RBFOX1: variants seen among roughly 807,000 people sequenced by gnomAD.
RBFOX1 encodes the protein RNA binding protein fox-1 homolog 1.
In RBFOX1, 8 loss-of-function variants were observed where a neutral mutation model predicts 57.7. The ratio of observed to expected loss-of-function variants is 0.14; its 90% CI spans 0.08 to 0.25. RBFOX1 has a LOEUF of 0.25. Among genes scored for constraint, RBFOX1 ranks in the 10% least tolerant of loss-of-function variants. The probability of loss-of-function intolerance (pLI) is 1.00; values close to 1 mark genes in which losing one functional copy is unlikely to be tolerated. For synonymous variants in RBFOX1, 326 were observed against 222.4 expected, an observed-to-expected ratio of 1.47 and a Z score of -4.15; for missense variants, 611 against 548.5, an observed-to-expected ratio of 1.11 and a Z score of -1.14.
At chr16:6,858,038 A>G (rs1474329345) in intron 3 of RBFOX1, among the ~76,000 whole-genome samples, 1 of 152,190 alleles carries the variant, frequency 6.6e-6, no homozygotes, top group Admixed American at 6.5e-5. Context: ...TTCTACTCAC[A>G]AATGTTCATC....
intron 2 of RBFOX1, among the ~76,000 whole-genome samples, chr16:6,453,776 A>G (rs1242925427): frequency 6.6e-6 from 1 of 152,192 alleles, no homozygotes; most frequent in African/African-American, 2.4e-5. Flanking sequence ...TTTAAATGTA[A>G]AAATTCAGTG....
At chr16:6,649,228 A>T (rs959715936) in intron 2 of RBFOX1, among the ~76,000 whole-genome samples, 2 of 152,124 alleles carry the variant, frequency 1.3e-5, no homozygotes, top group Non-Finnish European at 2.9e-5. Context: ...TCAACTTAAC[A>T]CAGTGTTCTC....
rs113473416 is a variant in RBFOX1, at chr16:6,322,566, C to G, written c.-64+5509C>G. The stretch of plus-strand genomic sequence containing the variant: ...TGCCCCTTGTAGGATAAAGAAAATC[C>G]TAAGCCAATTTTCAACGTAGGAAGT... On this transcript the variant is annotated intron_variant, in intron 2 of 15. Transcript: ENST00000550418. Among the ~76,000 whole-genome samples, 1,128 of 152,176 alleles carry G rather than the reference C, an allele frequency of 7.4e-3. 10 individuals carry two copies. Among genetic ancestry groups the G allele is most frequent in the African/African-American group, 0.024 (996 of 41,514 alleles).
At chr16:6,775,052 G>A (rs778794841) in intron 3 of RBFOX1, among the ~76,000 whole-genome samples, 1 of 151,710 alleles carries the variant, frequency 6.6e-6, no homozygotes, top group Non-Finnish European at 1.5e-5. Context: ...AAGGCAGGGC[G>A]CAGTGGCTCA....
At chr16:6,579,295 C>T (rs1017803135) in intron 2 of RBFOX1, among the ~76,000 whole-genome samples, 3 of 152,026 alleles carry the variant, frequency 2.0e-5, no homozygotes, top group Non-Finnish European at 4.4e-5. Flanking sequence ...GCTTGATCTA[C>T]TGGGCTCAAG....
chr16:7,138,265 T>A (rs968373340), intron 4 of RBFOX1, among the ~76,000 whole-genome samples: 2 of 151,982 alleles, frequency 1.3e-5, no homozygotes, highest in Admixed American at 6.6e-5. Flanking sequence ...GGTGCAGATA[T>A]AAAGGGAGAA....
chr16:5,782,416 A>G (rs540236084), intron 3 of RBFOX1, among the ~76,000 whole-genome samples: 2 of 152,290 alleles, frequency 1.3e-5, no homozygotes, highest in East Asian at 3.9e-4. Context: ...AATGACATTA[A>G]TGCATTTGAG....
intron 3 of RBFOX1, among the ~76,000 whole-genome samples, chr16:6,988,312 T>G (rs138640642): frequency 1.3e-5 from 2 of 152,268 alleles, no homozygotes; most frequent in South Asian, 4.1e-4. Context: ...TATTGGAGTT[T>G]CCTGTGATGA....
intron 4 of RBFOX1, among the ~76,000 whole-genome samples, chr16:7,091,145 G>T (rs2060783307): frequency 6.6e-6 from 1 of 151,754 alleles, no homozygotes; most frequent in Admixed American, 6.6e-5. Flanking sequence ...CTTTTTAGTT[G>T]GTTGAAACAA....
chr16:6,538,027 A>T (rs2096759367), intron 2 of RBFOX1, among the ~76,000 whole-genome samples: 2 of 151,728 alleles, frequency 1.3e-5, no homozygotes, highest in Non-Finnish European at 2.9e-5. Context: ...TTTTTTATTC[A>T]GGTAAAATTC....
intron 2 of RBFOX1, chr16:6,483,149 C>G: frequency 9.3e-7 from 1 of 1,071,332 alleles, no homozygotes; most frequent in Non-Finnish European, 1.1e-6. Context: ...CAAGAGTTTG[C>G]AAAAACATTG....
chr16:7,333,706 T>C (rs941859960), intron 4 of RBFOX1, among the ~76,000 whole-genome samples: 1 of 152,206 alleles, frequency 6.6e-6, no homozygotes, highest in African/African-American at 2.4e-5. Context: ...GTGCTGGTTT[T>C]ACTTTGAAGT....
chr16:6,979,013 C>T (rs985078524), intron 3 of RBFOX1, among the ~76,000 whole-genome samples: 1 of 152,144 alleles, frequency 6.6e-6, no homozygotes, highest in Non-Finnish European at 1.5e-5. Context: ...CATCCAGATA[C>T]AACTTCTGAG....
chr16:6,886,086 G>C (rs944103880), intron 3 of RBFOX1, among the ~76,000 whole-genome samples: 4 of 144,310 alleles, frequency 2.8e-5, no homozygotes, highest in African/African-American at 1.1e-4. Context: ...TTTTTGAGAC[G>C]GAGTCTCGCT....
At chr16:6,189,755 A>T (rs759724462) in intron 1 of RBFOX1, among the ~76,000 whole-genome samples, 2 of 152,174 alleles carry the variant, frequency 1.3e-5, no homozygotes, top group Non-Finnish European at 2.9e-5. Flanking sequence ...AACAAGTAAT[A>T]TATGATATTT....
intron 2 of RBFOX1, among the ~76,000 whole-genome samples, chr16:6,651,649 G>A (rs1359332113): frequency 6.6e-6 from 1 of 152,092 alleles, no homozygotes; most frequent in African/African-American, 2.4e-5. Context: ...ACGGTAGGGT[G>A]GTTCCTCAAA....
At chr16:6,575,862 A>AAAAAT (rs1555568321) in intron 2 of RBFOX1, among the ~76,000 whole-genome samples, 2 of 145,522 alleles carry the variant, frequency 1.4e-5, no homozygotes, top group African/African-American at 5.0e-5. Context: ...ATCTCAATAA[A>AAAAAT]AAATAAATAA....
chr16:5,241,866 C>T (rs1443677228), intron 1 of RBFOX1, among the ~76,000 whole-genome samples: 2 of 151,604 alleles, frequency 1.3e-5, no homozygotes, highest in Non-Finnish European at 2.9e-5. Flanking sequence ...TTTGAGAGGC[C>T]GAAGGGGGAG....
intron 1 of RBFOX1, among the ~76,000 whole-genome samples, chr16:6,211,686 C>G (rs942516666): frequency 6.6e-6 from 1 of 152,064 alleles, no homozygotes. Context: ...CCTTTCCTAT[C>G]TTTGAGTTTA....
Sources: gnomAD v4.1 joint callset for allele counts (sites outside exome capture counted in the v4.1 genomes callset) on GRCh38, gnomAD v4.1.1 for gene constraint, MANE v1.5 for transcripts, NCBI Gene and HGNC (gene_info 2026-07-23, HGNC 2026-07-21) for gene names.